DIAPH2: variants seen among roughly 807,000 people sequenced by gnomAD.
DIAPH2 encodes protein diaphanous homolog 2.
DIAPH2 carries 35 observed loss-of-function variants against 92.7 expected under a neutral mutation model. That is an observed-to-expected ratio of 0.38 (90% confidence interval 0.29 to 0.50). DIAPH2 has a LOEUF of 0.50. Ranked by LOEUF, DIAPH2 falls within the 20% of genes least tolerant of loss-of-function variation. The probability of loss-of-function intolerance (pLI) is 0.94; values close to 1 mark genes in which losing one functional copy is unlikely to be tolerated. For missense variants in DIAPH2, 701 were observed against 819.5 expected (o/e 0.86, Z 1.77); for synonymous variants, 301 against 280.4 (o/e 1.07, Z -0.73).
At chrX:96,882,186 G>T (rs3138309) in intron 5 of DIAPH2, among the ~76,000 whole-genome samples, 2,505 of 109,272 alleles carry the variant, frequency 0.023, 72 homozygotes, top group African/African-American at 0.079. Context: ...GAGTAGCTGG[G>T]ACTACAGGCA....
chrX:97,343,098 A>G (rs942954534), intron 23 of DIAPH2, among the ~76,000 whole-genome samples: 1 of 111,826 alleles, frequency 8.9e-6, no homozygotes, highest in Admixed American at 9.6e-5. Context: ...ATTTTCTTCC[A>G]AGTGTTGTAG....
chrX:97,349,598 C>A (rs189640032), intron 24 of DIAPH2, among the ~76,000 whole-genome samples: 6 of 111,313 alleles, frequency 5.4e-5, no homozygotes, highest in African/African-American at 1.6e-4. Flanking sequence ...GGGCCTATAA[C>A]CCAGAGCATA....
At chrX:97,496,050 G>A (rs1313337352) in intron 26 of DIAPH2, among the ~76,000 whole-genome samples, 1 of 109,958 alleles carries the variant, frequency 9.1e-6, no homozygotes, top group African/African-American at 3.3e-5. Context: ...TGTAAGAAAA[G>A]CATTGAATTT....
At chrX:96,714,255 T>TTG (rs1202230359) in intron 1 of DIAPH2, among the ~76,000 whole-genome samples, 6 of 108,922 alleles carry the variant, frequency 5.5e-5, no homozygotes, top group Admixed American at 9.9e-5. Flanking sequence ...TATCATAAGT[T>TTG]TGTGTGTGTG....
chrX:97,268,945 C>T (rs1300234774), intron 23 of DIAPH2, among the ~76,000 whole-genome samples: 1 of 106,143 alleles, frequency 9.4e-6, no homozygotes, highest in Non-Finnish European at 1.9e-5. Flanking sequence ...CAACCTCCGC[C>T]TCCCAGGTTC....
At chrX:97,288,327 G>A (rs753673962) in intron 23 of DIAPH2, among the ~76,000 whole-genome samples, 14 of 111,589 alleles carry the variant, frequency 1.3e-4, no homozygotes, top group African/African-American at 4.6e-4. Flanking sequence ...AGACGTGGAA[G>A]CAGTAAGGTT....
chrX:96,962,274 C>CATATATATACAT (rs1569436354), intron 16 of DIAPH2, among the ~76,000 whole-genome samples: 1 of 72,026 alleles, frequency 1.4e-5, no homozygotes, highest in African/African-American at 5.4e-5. Context: ...TATATATATA[C>CATATATATACAT]ATATATATAT....
intron 22 of DIAPH2, among the ~76,000 whole-genome samples, chrX:97,170,699 G>A (rs1419546943): frequency 9.0e-6 from 1 of 110,836 alleles, no homozygotes; most frequent in African/African-American, 3.3e-5. Context: ...AGATAATTTA[G>A]GAAAAACTTA....
intron 19 of DIAPH2, among the ~76,000 whole-genome samples, chrX:97,099,466 A>G (rs1176086493): frequency 8.9e-6 from 1 of 111,745 alleles, no homozygotes; most frequent in African/African-American, 3.3e-5. Flanking sequence ...ATATGTATAT[A>G]CTATATTGTA....
At chrX:97,560,445 C>T (rs2071286120) in intron 26 of DIAPH2, among the ~76,000 whole-genome samples, 1 of 112,023 alleles carries the variant, frequency 8.9e-6, no homozygotes, top group African/African-American at 3.2e-5. Context: ...TTCTTTCATG[C>T]TCTGGCCAGA....
chrX:97,392,467 C>G (rs746436731), intron 25 of DIAPH2, among the ~76,000 whole-genome samples: 1 of 111,631 alleles, frequency 9.0e-6, no homozygotes, highest in Admixed American at 9.6e-5. Context: ...TGCTCTTTAA[C>G]TCTATCTAAA....
chrX:96,998,276 C>T (rs1204082460), intron 17 of DIAPH2, among the ~76,000 whole-genome samples: 1 of 111,150 alleles, frequency 9.0e-6, no homozygotes, highest in Non-Finnish European at 1.9e-5. Flanking sequence ...CTCCATGTCA[C>T]TTATCACAAA....
intron 26 of DIAPH2, among the ~76,000 whole-genome samples, chrX:97,467,722 T>C (rs955022980): frequency 3.6e-5 from 4 of 112,216 alleles, no homozygotes; most frequent in African/African-American, 1.3e-4. Context: ...TCTGTGATGT[T>C]TTCATATACC....
chrX:97,317,535 T>C (rs1254930424), intron 23 of DIAPH2, among the ~76,000 whole-genome samples: 1 of 112,449 alleles, frequency 8.9e-6, no homozygotes, highest in Non-Finnish European at 1.9e-5. Flanking sequence ...ATAAATCTCA[T>C]ACATTGATTT....
chrX:97,265,744 T>C (rs934743887), intron 23 of DIAPH2, among the ~76,000 whole-genome samples: 1 of 111,836 alleles, frequency 8.9e-6, no homozygotes, highest in African/African-American at 3.2e-5. Context: ...AGATGAAAAC[T>C]GAGAAAAAGG....
chrX:96,781,652 C>T lies in DIAPH2; in HGVS notation c.447+23394C>T, dbSNP rs1461859728. On this transcript the variant is annotated intron_variant, in intron 4 of 26. Transcript: ENST00000324765. ...TAATTGCCAAAATTATTCCTTGGATCGACATTCATACTATTTTTCTACAAA... is the reference window on the plus strand; with the variant it reads ...TAATTGCCAAAATTATTCCTTGGATTGACATTCATACTATTTTTCTACAAA... Among the ~76,000 whole-genome samples the T allele has an allele frequency of 3.6e-5, 4 of 110,024 alleles. No individual in the cohort carries two copies. In the South Asian group the frequency reaches 1.5e-3, roughly 42 times the overall value.
At chrX:96,777,249 G>T (rs1859626312) in intron 4 of DIAPH2, among the ~76,000 whole-genome samples, 1 of 111,435 alleles carries the variant, frequency 9.0e-6, no homozygotes, top group African/African-American at 3.3e-5. Context: ...TATGTGTTTT[G>T]CTGGATAGCT....
At chrX:97,221,588 A>G (rs780708072) in intron 22 of DIAPH2, among the ~76,000 whole-genome samples, 11 of 112,007 alleles carry the variant, frequency 9.8e-5, no homozygotes, top group South Asian at 3.6e-4. Context: ...TTGTCTCTGT[A>G]GAAGCTCTGA....
At chrX:97,298,934 AC>A (rs1853694787) in intron 23 of DIAPH2, among the ~76,000 whole-genome samples, 1 of 111,233 alleles carries the variant, frequency 9.0e-6, no homozygotes, top group Non-Finnish European at 1.9e-5. Context: ...TCCTTTTCTT[AC>A]CTGTGTGAGT....
Sources: gnomAD v4.1 joint callset for allele counts (sites outside exome capture counted in the v4.1 genomes callset) on GRCh38, gnomAD v4.1.1 for gene constraint, MANE v1.5 for transcripts, NCBI Gene and HGNC (gene_info 2026-07-23, HGNC 2026-07-21) for gene names.